Variants in SORCS1 observed in about 807,000 individuals in gnomAD.
SORCS1 encodes the protein sortilin related VPS10 domain containing receptor 1.
A neutral mutation model predicts 146.1 loss-of-function variants in SORCS1; 60 were observed. That is an observed-to-expected ratio of 0.41 (90% CI 0.33 to 0.51). The LOEUF (loss-of-function observed/expected upper bound fraction) is 0.51. Among genes scored for constraint, SORCS1 ranks in the 20% least tolerant of loss-of-function variants. SORCS1 has a pLI of 0.21. For synonymous variants in SORCS1, 637 were observed against 584.0 expected, an observed-to-expected ratio of 1.09 and a Z score of -1.31; for missense variants, 1,352 against 1,487.6, an observed-to-expected ratio of 0.91 and a Z score of 1.50.
chr10:106,794,750 A>G (rs777895003), intron 3 of SORCS1, among the ~76,000 whole-genome samples: 21 of 151,536 alleles, frequency 1.4e-4, no homozygotes, highest in Non-Finnish European at 2.7e-4. Context: ...TGATCCGCCC[A>G]CCTCGGCCTC....
chr10:107,164,129 C>G lies in SORCS1; in HGVS notation c.398G>C (p.Arg133Thr). Reference sequence around the variant, plus strand: ...CCCAGGCTCCTGCTGCCCTCCATCTCTTAGCACTCCCCGGGGGCTCCGACT... The same window carrying G: ...CCCAGGCTCCTGCTGCCCTCCATCTGTTAGCACTCCCCGGGGGCTCCGACT... ...GASRSPRGVLRDGGQQEPGTR... is the reference protein window; with the variant it reads ...GASRSPRGVLTDGGQQEPGTR... The change falls in exon 1 of 26, where the codon AGA becomes ACA. Residue 133 changes from arginine to threonine, a missense_variant. By Grantham distance (71) the Arg-to-Thr change is moderately conservative. Transcript: ENST00000263054. This position sits in a 1 kb window ranked among gnomAD's most constrained non-coding sequence, Gnocchi z 6.8. 1.2e-6 allele frequency: 2 copies of G among 1,613,666 alleles called. No individual in the cohort carries two copies. The highest frequency in any genetic ancestry group is 4.5e-5 in the East Asian group (2 of 44,838).
chr10:107,117,137 T>C (rs1966091004), intron 1 of SORCS1, among the ~76,000 whole-genome samples: 1 of 152,096 alleles, frequency 6.6e-6, no homozygotes, highest in African/African-American at 2.4e-5. Flanking sequence ...TTGCAAAAAG[T>C]GAAAAAGCAT....
Position 107,164,439 on chromosome 10 carries a change from C to G in SORCS1, c.88G>C (p.Gly30Arg). ...CAGCAGGAGCCGCCGCCGCAGACGC[C>G]CGGGGCGCAGAGGATCAAGAGCCCC... ...GAGLLILCAP[G>R]VCGGGSCCPS... The change falls in exon 1 of 26, where the codon GGC becomes CGC. Residue 30 changes from glycine to arginine, a missense_variant. Gly to Arg is a moderately radical substitution (Grantham distance 125). Coordinates refer to ENST00000263054, the MANE Select transcript of SORCS1 (RefSeq NM_052918.5). This position sits in a 1 kb window ranked among gnomAD's most constrained non-coding sequence, Gnocchi z 6.8. 7.1e-7 allele frequency: 1 copy of G among 1,409,494 alleles called. No individual in the cohort carries two copies. Among genetic ancestry groups the G allele is most frequent in the South Asian group, 1.6e-5 (1 of 63,188 alleles). The allele number at this position is 1,409,494 out of a possible 1,614,324, so 87.3% of individuals were successfully genotyped here. A position where few individuals can be genotyped will look rare whatever the true frequency, so the allele number is the denominator to read the frequency against.
intron 18 of SORCS1, among the ~76,000 whole-genome samples, chr10:106,646,205 T>A (rs894165242): frequency 2.0e-5 from 3 of 151,544 alleles, no homozygotes; most frequent in Non-Finnish European, 4.4e-5. Context: ...GCGGCCAAGA[T>A]CATGCCACTT....
intron 3 of SORCS1, among the ~76,000 whole-genome samples, chr10:106,784,759 A>G (rs2136449391): frequency 6.6e-6 from 1 of 152,366 alleles, no homozygotes; most frequent in African/African-American, 2.4e-5. Context: ...TTTAATGATA[A>G]GAAATCTCTT....
chr10:106,606,557 T>G (rs1453478866), intron 23 of SORCS1, among the ~76,000 whole-genome samples: 1 of 152,250 alleles, frequency 6.6e-6, no homozygotes, highest in African/African-American at 2.4e-5. Context: ...TTCCACTTGA[T>G]ATCACGGACA....
At chr10:106,585,716 G>A (rs536884037) in intron 24 of SORCS1, among the ~76,000 whole-genome samples, 1 of 152,340 alleles carries the variant, frequency 6.6e-6, no homozygotes, top group East Asian at 1.9e-4. Context: ...ATCTGGCAAT[G>A]GAATGCAATG....
At chr10:106,708,135 GAATT>G (rs983878895) in intron 7 of SORCS1, among the ~76,000 whole-genome samples, 2 of 152,284 alleles carry the variant, frequency 1.3e-5, no homozygotes, top group African/African-American at 4.8e-5. Flanking sequence ...ATACAGAAAT[GAATT>G]ATTATAGACA....
intron 1 of SORCS1, among the ~76,000 whole-genome samples, chr10:106,975,977 G>A (rs1315565907): frequency 1.3e-5 from 2 of 151,898 alleles, no homozygotes; most frequent in Non-Finnish European, 2.9e-5. Context: ...GTGAAACTCC[G>A]TCTCTACTAA....
chr10:106,961,225 C>G (rs1955208019), intron 1 of SORCS1, among the ~76,000 whole-genome samples: 1 of 152,162 alleles, frequency 6.6e-6, no homozygotes. Flanking sequence ...TTGAAATGAA[C>G]TAACCTGCCA....
chr10:106,776,409 A>C lies in SORCS1; in HGVS notation c.885+125T>G, dbSNP rs1720597690. 5.8e-6 allele frequency: 7 copies of C among 1,206,202 alleles called. No homozygotes were observed. The South Asian group carries it at 8.8e-5, about 15-fold the overall frequency. The allele number at this position is 1,206,202 out of a possible 1,614,324, so 74.7% of individuals were successfully genotyped here. A position where few individuals can be genotyped will look rare whatever the true frequency, so the allele number is the denominator to read the frequency against. On this transcript the variant is annotated intron_variant, in intron 4 of 25. Coordinates refer to ENST00000263054, the MANE Select transcript of SORCS1 (RefSeq NM_052918.5). ...CCTTGCTTTCCCTTGTCCCATTAGC[A>C]CAGAGGTCAGGCTACTGCTCAGAAC...
At chr10:106,994,093 T>C (rs1187446557) in intron 1 of SORCS1, among the ~76,000 whole-genome samples, 1 of 100,660 alleles carries the variant, frequency 9.9e-6, no homozygotes, top group African/African-American at 4.5e-5. Context: ...AAAAAGAAAA[T>C]GAGAAGCAAA....
chr10:106,882,362 C>T (rs1251452538), intron 2 of SORCS1, among the ~76,000 whole-genome samples: 1 of 151,950 alleles, frequency 6.6e-6, no homozygotes, highest in African/African-American at 2.4e-5. Flanking sequence ...CCATTCTGGA[C>T]TGTGAGTTGG....
chr10:106,620,345 A>AT, intron 20 of SORCS1, 83 bp downstream of exon 20: 1 of 1,535,680 alleles, frequency 6.5e-7, no homozygotes, highest in Non-Finnish European at 8.8e-7. Context: ...TCTAGGGTTC[A>AT]TAAGCCATTT....
Position 106,679,577 on chromosome 10 carries a change from G to C in SORCS1, c.1663+55C>G. The C allele has an allele frequency of 6.4e-6, 9 of 1,408,942 alleles. No individual in the cohort carries two copies. In the South Asian group the frequency reaches 1.1e-4, roughly 17 times the overall value. The allele number at this position is 1,408,942 out of a possible 1,614,324, so 87.3% of individuals were successfully genotyped here. On this transcript the variant is annotated intron_variant, in intron 11 of 25. Transcript: ENST00000263054. ...ATAAACTTCCAAGTACAGATATCTAGCTTCTTAAAATAAACACTATTTACC... is the reference window on the plus strand; with the variant it reads ...ATAAACTTCCAAGTACAGATATCTACCTTCTTAAAATAAACACTATTTACC...
chr10:106,679,513 G>C lies in SORCS1; in HGVS notation c.1663+119C>G, dbSNP rs923122970. 9 of 1,036,592 alleles carry C rather than the reference G, an allele frequency of 8.7e-6. No individual in the cohort carries two copies. The African/African-American group carries it at 1.3e-4, about 15-fold the overall frequency. The allele number at this position is 1,036,592 out of a possible 1,614,324, so 64.2% of individuals were successfully genotyped here. A position where few individuals can be genotyped will look rare whatever the true frequency, so the allele number is the denominator to read the frequency against. On this transcript the variant is annotated intron_variant, in intron 11 of 25. Transcript: ENST00000263054. ...TGCCTTTCAAAATTATTTTTAGCTT[G>C]CTCATTAAGTTCCAAGTACAGATAT...
intron 2 of SORCS1, among the ~76,000 whole-genome samples, chr10:106,913,812 T>C (rs935480236): frequency 1.3e-5 from 2 of 152,198 alleles, no homozygotes; most frequent in African/African-American, 4.8e-5. Flanking sequence ...CAGGTGGCCA[T>C]TGGAACTGGG....
chr10:106,710,147 A>G (rs937655206), intron 6 of SORCS1, among the ~76,000 whole-genome samples: 1 of 152,150 alleles, frequency 6.6e-6, no homozygotes, highest in Non-Finnish European at 1.5e-5. Context: ...TTCTTTCATA[A>G]TTCATTAGAA....
chr10:107,059,420 A>G (rs1331140740), intron 1 of SORCS1, among the ~76,000 whole-genome samples: 1 of 152,188 alleles, frequency 6.6e-6, no homozygotes, highest in African/African-American at 2.4e-5. Context: ...AACAAAAGCA[A>G]TTACTTTGCT....
Sources: allele counts gnomAD v4.1 joint callset (sites outside exome capture counted in the v4.1 genomes callset), GRCh38; gene constraint gnomAD v4.1.1; non-coding constraint Gnocchi (gnomAD v3.1); transcripts MANE v1.5; gene names NCBI Gene and HGNC (gene_info 2026-07-23, HGNC 2026-07-21).